Variants in TMEM253 observed in about 807,000 individuals in gnomAD.
The protein encoded by TMEM253 is transmembrane protein C14orf176.
In TMEM253, 22 loss-of-function variants were observed where a neutral mutation model predicts 20.3. That is an observed-to-expected ratio of 1.08 (90% CI 0.78 to 1.55). TMEM253 has a LOEUF of 1.55. TMEM253 is among the 40% of genes most tolerant of loss of function. The pLI, the probability that TMEM253 is intolerant of heterozygous loss-of-function variation, is 0.00. For missense variants in TMEM253, 251 were observed against 266.1 expected, an observed-to-expected ratio of 0.94 and a Z score of 0.39; for synonymous variants, 92 against 102.6, an observed-to-expected ratio of 0.90 and a Z score of 0.62.
upstream of TMEM253, chr14:21,098,848 A>G (rs1459836319): frequency 3.1e-6 from 4 of 1,287,640 alleles, no homozygotes; most frequent in East Asian, 5.6e-5. Context: ...TTCTGCCCCA[A>G]CATGCACAGA....
At chr14:21,103,065 G>A in intron 6 of TMEM253, 74 bp from the exon 7 acceptor site, 1 of 1,548,728 alleles carries the variant, frequency 6.5e-7, no homozygotes, top group African/African-American at 1.4e-5. Context: ...TGGGCAGGAG[G>A]AAGCAGTTGT....
At chr14:21,103,238 G>A in exon 7 of TMEM253, 1 of 1,551,558 alleles carries the variant, frequency 6.4e-7, no homozygotes, top group Non-Finnish European at 8.7e-7. Flanking sequence ...ACAGACACGT[G>A]CTGCTCTCCT....
At chr14:21,101,253 C>A in intron 1 of TMEM253, 55 bp from the exon 2 acceptor site, 1 of 1,196,498 alleles carries the variant, frequency 8.4e-7, no homozygotes, top group Non-Finnish European at 1.2e-6. Context: ...CTGAAAGATA[C>A]GTTGTTGCAT....
At chr14:21,100,363 CAATAATAT>C (rs1889555355), upstream of TMEM253, among the ~76,000 whole-genome samples, 1 of 118,326 alleles carries the variant, frequency 8.5e-6, no homozygotes, top group Admixed American at 8.9e-5. Context: ...GCCCCTGTCT[CAATAATAT>C]AATAATAATA....
At chr14:21,101,728 C>G in intron 2 of TMEM253, 137 bp from the exon 3 acceptor site, 1 of 707,284 alleles carries the variant, frequency 1.4e-6, no homozygotes. Flanking sequence ...TTTTAATGAT[C>G]ACGTCCTTGC....
rs1302291232 is a variant in TMEM253, at chr14:21,102,788, G to C, written c.534+9G>C. 1 of 1,547,130 alleles carries C rather than the reference G, an allele frequency of 6.5e-7. No homozygotes were observed. The highest frequency in any genetic ancestry group is 8.7e-7 in the Non-Finnish European group (1 of 1,146,688). ...ATCAAGAGCTGCAGGAGGTATGGGG[G>C]CAGGGAAGAAAGCACGAATAGCTAG... On this transcript the variant is annotated intron_variant, in intron 6 of 6. Transcript: ENST00000556585.
exon 5 of TMEM253, chr14:21,102,471 GTGA>G: frequency 6.4e-7 from 1 of 1,551,734 alleles, no homozygotes; most frequent in East Asian, 2.4e-5. Context: ...GGTGGTCGAG[GTGA>G]TGAAGACAGC....
intron 2 of TMEM253, 186 bp from the exon 3 acceptor site, chr14:21,101,679 A>T: frequency 1.5e-6 from 1 of 648,264 alleles, no homozygotes. Context: ...AAGTAACTAA[A>T]CTACAATATG....
chr14:21,102,343 GT>G, intron 4 of TMEM253, 61 bp from the exon 5 acceptor site: 3 of 1,528,346 alleles, frequency 2.0e-6, no homozygotes, highest in Non-Finnish European at 2.7e-6. Context: ...TAGGCTGCAA[GT>G]GGGGATTGAG....
chr14:21,102,888 A>G (rs1193159335), intron 6 of TMEM253, 109 bp downstream of exon 6: 7 of 1,450,612 alleles, frequency 4.8e-6, no homozygotes, highest in Non-Finnish European at 6.4e-6. Flanking sequence ...GAGAGAAAAG[A>G]AGAGGTCCTA....
chr14:21,098,899 C>G, upstream of TMEM253: 1 of 1,266,830 alleles, frequency 7.9e-7, no homozygotes, highest in Non-Finnish European at 1.0e-6. Flanking sequence ...AAAGCCTCTC[C>G]CTTACAATTT....
At chr14:21,103,475 C>G in exon 7 of TMEM253, 1 of 671,494 alleles carries the variant, frequency 1.5e-6, no homozygotes, top group Admixed American at 3.3e-5. Context: ...CATCCATATC[C>G]TCTCTTCCTG....
chr14:21,100,973 GA>G (rs1285525844), upstream of TMEM253: 1 of 179,098 alleles, frequency 5.6e-6, no homozygotes, highest in Non-Finnish European at 1.2e-5. Context: ...GGTCGGGCTA[GA>G]CATCTTGTGG....
chr14:21,099,596 C>T (rs141101171), upstream of TMEM253, among the ~76,000 whole-genome samples: 670 of 152,342 alleles, frequency 4.4e-3, 7 homozygotes, highest in African/African-American at 0.015. Flanking sequence ...CCTCCCTCCT[C>T]GTACTAACTT....
chr14:21,100,369 TATAATA>T (rs3061999), upstream of TMEM253, among the ~76,000 whole-genome samples: 15 of 149,422 alleles, frequency 1.0e-4, no homozygotes, highest in South Asian at 4.3e-4. Flanking sequence ...GTCTCAATAA[TATAATA>T]ATAATAATAA....
In TMEM253 at chr14:21,102,370, C is replaced by T. The variant is rs1176914261; in HGVS notation, c.277-35C>T. The T allele has an allele frequency of 6.5e-6, 10 of 1,550,026 alleles. No homozygotes were observed. The South Asian group carries it at 7.2e-5, about 11-fold the overall frequency. On this transcript the variant is annotated intron_variant, in intron 4 of 6. Coordinates refer to ENST00000556585, the Ensembl canonical transcript of TMEM253. Reference sequence around the variant, plus strand: ...GGGGATTGAGGTTGGAATGACTCCCCTAGGCTGGGCAGGGCTGAGCTGGCT... The same window carrying T: ...GGGGATTGAGGTTGGAATGACTCCCTTAGGCTGGGCAGGGCTGAGCTGGCT...
At chr14:21,102,261 A>C in intron 4 of TMEM253, 141 bp downstream of exon 4, 1 of 1,404,772 alleles carries the variant, frequency 7.1e-7, no homozygotes, top group South Asian at 1.4e-5. Context: ...CTGAGGAGGA[A>C]AGCAAAAAAG....
chr14:21,099,812 C>A (rs1889524857), upstream of TMEM253, among the ~76,000 whole-genome samples: 1 of 152,166 alleles, frequency 6.6e-6, no homozygotes, highest in African/African-American at 2.4e-5. Context: ...TTGCCAAGGG[C>A]ACCTAGGTAG....
rs1382747936 is a variant in TMEM253, at chr14:21,102,795, AG to A, written c.534+17del. On this transcript the variant is annotated intron_variant, in intron 6 of 6. Transcript: ENST00000556585. Reference sequence around the variant, plus strand: ...GCTGCAGGAGGTATGGGGGCAGGGAAGAAAGCACGAATAGCTAGCTGCCAAC... The same window carrying A: ...GCTGCAGGAGGTATGGGGGCAGGGAAAAAGCACGAATAGCTAGCTGCCAAC... 1 of 1,545,776 alleles carries A rather than the reference AG, an allele frequency of 6.5e-7. No homozygotes were observed. Among genetic ancestry groups the A allele is most frequent in the East Asian group, 2.4e-5 (1 of 40,920 alleles).
Sources: gnomAD v4.1 joint callset for allele counts (sites outside exome capture counted in the v4.1 genomes callset) on GRCh38, gnomAD v4.1.1 for gene constraint, MANE v1.5 for transcripts, NCBI Gene and HGNC (gene_info 2026-07-23, HGNC 2026-07-21) for gene names.